POGLUT1: variants seen among roughly 807,000 people sequenced by gnomAD.
The protein encoded by POGLUT1 is 9630046K23Rik.
Under a neutral mutation model 61.3 loss-of-function variants are expected in POGLUT1, and 32 were observed. That is an observed-to-expected ratio of 0.52 (90% CI 0.39 to 0.70). The LOEUF is 0.70. POGLUT1 is among the 30% of genes least tolerant of loss of function. The pLI is 0.00. For synonymous variants in POGLUT1, 158 were observed against 158.2 expected, an observed-to-expected ratio of 1.00 and a Z score of 0.01; for missense variants, 411 against 469.8, an observed-to-expected ratio of 0.87 and a Z score of 1.16.
chr3:119,485,511 G>T, intron 6 of POGLUT1, 124 bp downstream of exon 6: 3 of 584,356 alleles, frequency 5.1e-6, no homozygotes, highest in South Asian at 2.5e-5. Flanking sequence ...AAAGAAATGT[G>T]GAATCACAAT....
At chr3:119,486,009 G>A (rs1393424400) in intron 6 of POGLUT1, among the ~76,000 whole-genome samples, 1 of 152,124 alleles carries the variant, frequency 6.6e-6, no homozygotes, top group Non-Finnish European at 1.5e-5. Context: ...AAGGGAGCAG[G>A]GTTTTGTAGT....
intron 2 of POGLUT1, 23 bp downstream of exon 2, chr3:119,469,933 T>A: frequency 7.2e-7 from 1 of 1,380,014 alleles, no homozygotes; most frequent in Non-Finnish European, 1.0e-6. Context: ...CTTTGATGTG[T>A]CTTTGAGAGT....
At position 119,486,922 on chromosome 3, in the gene POGLUT1, A is replaced by T; in HGVS notation, c.728A>T (p.Lys243Ile). ...DAEYTKNQAW[K>I]SMKDTLGKPA... ...GAATACACCAAAAACCAGGCCTGGA[A>T]ATCTATGAAAGTAATCACCAGTCAT... Residue 243 changes from lysine (K) to isoleucine (I), a missense_variant, in exon 7 of 11, where the codon AAA becomes ATA. Coordinates refer to ENST00000295588, the MANE Select transcript of POGLUT1 (RefSeq NM_152305.3). 6.2e-7 allele frequency: 1 copy of T among 1,608,296 alleles called. No individual in the cohort carries two copies. Among genetic ancestry groups the T allele is most frequent in the South Asian group, 1.1e-5 (1 of 90,936 alleles).
chr3:119,471,466 A>G lies in POGLUT1; in HGVS notation c.320+14A>G. On this transcript the variant is annotated intron_variant, in intron 3 of 10. Coordinates refer to ENST00000295588, the MANE Select transcript of POGLUT1 (RefSeq NM_152305.3). The stretch of plus-strand genomic sequence containing the variant: ...GTTCCCCTCAAGGTAAGAGTTAACG[A>G]GGTAGATATATCTTCTGACTTTATT... 1 of 1,612,276 alleles carries G rather than the reference A, an allele frequency of 6.2e-7. No individual in the cohort carries two copies.
At chr3:119,473,800 A>G (rs2081504574) in intron 3 of POGLUT1, among the ~76,000 whole-genome samples, 1 of 151,800 alleles carries the variant, frequency 6.6e-6, no homozygotes, top group African/African-American at 2.4e-5. Context: ...AGCTGGGACT[A>G]CAGGCGCCCG....
At position 119,490,555 on chromosome 3, in the gene POGLUT1, CT is replaced by C. The variant is rs765065009; in HGVS notation, c.803del (p.Leu268ArgfsTer7). ...HLVDHCKYKYLFNFRGVAASF... is the reference protein window; with the variant it reads ...HLVDHCKYKYXFNFRGVAASF... ...ATTTTGTTCTTTTTTCCCCAGGTAT[CT>C]GTTTAATTTTCGAGGCGTAGCTGCA... is the stretch of plus-strand genomic sequence containing the variant. On this transcript the variant is annotated frameshift_variant, in exon 9 of 11. Coordinates refer to ENST00000295588, the MANE Select transcript of POGLUT1 (RefSeq NM_152305.3). LOFTEE classifies it high-confidence loss of function. The C allele has an allele frequency of 1.9e-6, 3 of 1,613,730 alleles. No homozygotes were observed. The highest frequency in any genetic ancestry group is 1.3e-5 in the African/African-American group (1 of 74,912).
At chr3:119,470,074 A>C (rs1296628006) in intron 2 of POGLUT1, among the ~76,000 whole-genome samples, 164 bp downstream of exon 2, 1 of 152,190 alleles carries the variant, frequency 6.6e-6, no homozygotes, top group Non-Finnish European at 1.5e-5. Context: ...AGGTGGTGTC[A>C]ACCTAACCAC....
At chr3:119,477,270 G>T in intron 3 of POGLUT1, 43 bp from the exon 4 acceptor site, 2 of 1,605,478 alleles carry the variant, frequency 1.2e-6, no homozygotes, top group Non-Finnish European at 8.5e-7. Context: ...CCTAGAGCCT[G>T]CAGGCACTAC....
In POGLUT1 at chr3:119,488,975, A is replaced by C. The variant is rs2081706156; in HGVS notation, c.785A>C (p.His262Pro). The change falls in exon 8 of 11, where the codon CAC becomes CCC. Residue 262 changes from histidine (H) to proline (P), a missense_variant. His to Pro is a moderately conservative substitution (Grantham distance 77, BLOSUM62 -2). Coordinates refer to ENST00000295588, the MANE Select transcript of POGLUT1 (RefSeq NM_152305.3). ...GCTAAGGATGTCCATCTTGTGGATC[A>C]CTGCAAATACAAGTAAGATTTGCAG... is the stretch of plus-strand genomic sequence containing the variant. Reference protein sequence around the residue: ...PAAKDVHLVDHCKYKYLFNFR... With the variant: ...PAAKDVHLVDPCKYKYLFNFR... The C allele has an allele frequency of 1.3e-6, 2 of 1,577,782 alleles. No homozygotes were observed. The highest frequency in any genetic ancestry group is 1.7e-6 in the Non-Finnish European group (2 of 1,150,552).
chr3:119,478,437 C>T (rs2081566139), intron 4 of POGLUT1: 2 of 456,572 alleles, frequency 4.4e-6, no homozygotes, highest in Non-Finnish European at 8.8e-6. Flanking sequence ...CATTGTTTGT[C>T]ATGAAACTCA....
intron 7 of POGLUT1, chr3:119,487,140 A>G (rs2081674662): frequency 1.8e-6 from 1 of 560,712 alleles, no homozygotes; most frequent in South Asian, 2.1e-5. Context: ...AGTATATTGC[A>G]CTACTTTGAA....
intron 5 of POGLUT1, among the ~76,000 whole-genome samples, chr3:119,483,976 T>C (rs900995154): frequency 2.0e-5 from 3 of 152,270 alleles, no homozygotes; most frequent in African/African-American, 7.2e-5. Flanking sequence ...TTCTTACTTT[T>C]ATCTTTATGC....
chr3:119,482,868 G>T (rs904066429), intron 5 of POGLUT1, among the ~76,000 whole-genome samples: 42 of 152,168 alleles, frequency 2.8e-4, no homozygotes, highest in Admixed American at 2.5e-3. Context: ...GTCAGAGAGG[G>T]TTTAAAAAAG....
chr3:119,488,995 T>C lies in POGLUT1; in HGVS notation c.797+8T>C. ...GGATCACTGCAAATACAAGTAAGAT[T>C]TGCAGGACTCCTCACTTTCTTGGTT... On this transcript the variant is annotated splice_region_variant and intron_variant, in intron 8 of 10. Coordinates refer to ENST00000295588, the MANE Select transcript of POGLUT1 (RefSeq NM_152305.3). 6.5e-7 allele frequency: 1 copy of C among 1,534,124 alleles called. No individual in the cohort carries two copies. Among genetic ancestry groups the C allele is most frequent in the Non-Finnish European group, 9.0e-7 (1 of 1,112,508 alleles).
chr3:119,483,186 G>T (rs72970348), intron 5 of POGLUT1, among the ~76,000 whole-genome samples: 8,643 of 152,218 alleles, frequency 0.057, 789 homozygotes, highest in African/African-American at 0.19. Context: ...GTATCCTAAG[G>T]AATTAATCAG....
At chr3:119,476,878 G>C (rs1172784320) in intron 3 of POGLUT1, among the ~76,000 whole-genome samples, 1 of 152,294 alleles carries the variant, frequency 6.6e-6, no homozygotes, top group African/African-American at 2.4e-5. Context: ...AATTATAATG[G>C]AAATAAAAAT....
At position 119,469,385 on chromosome 3, in the gene POGLUT1, A is replaced by G. The variant is rs182256092; in HGVS notation, c.85+279A>G. ...CAGGAGGCGTGGCCCGTGCTTGGCT[A>G]CTCTGGACCTGCCTGAAACACTGAG... is the stretch of plus-strand genomic sequence containing the variant. On this transcript the variant is annotated intron_variant, in intron 1 of 10. Coordinates refer to ENST00000295588, the MANE Select transcript of POGLUT1 (RefSeq NM_152305.3). The G allele has an allele frequency of 4.7e-4, 265 of 569,272 alleles. 2 individuals carry two copies. The African/African-American group carries it at 4.7e-3, about 10-fold the overall frequency. The allele number at this position is 569,272 out of a possible 1,614,324, so 35.3% of individuals were successfully genotyped here.
intron 4 of POGLUT1, chr3:119,478,228 C>T: frequency 2.5e-6 from 1 of 402,730 alleles, no homozygotes; most frequent in Non-Finnish European, 4.9e-6. Context: ...TTGAGGAAAA[C>T]CCCATGAAAT....
intron 5 of POGLUT1, among the ~76,000 whole-genome samples, chr3:119,481,453 G>A (rs1304086873): frequency 6.6e-6 from 1 of 152,188 alleles, no homozygotes; most frequent in Non-Finnish European, 1.5e-5. Flanking sequence ...TATAAGGAAA[G>A]CAAACAATTC....
Sources: allele counts gnomAD v4.1 joint callset (sites outside exome capture counted in the v4.1 genomes callset), GRCh38; gene constraint gnomAD v4.1.1; transcripts MANE v1.5; gene names NCBI Gene and HGNC (gene_info 2026-07-23, HGNC 2026-07-21).